The following DYNC2H1 variants were observed in gnomAD, a reference collection of about 807,000 sequenced individuals.
DYNC2H1 encodes dynein cytoplasmic 2 heavy chain 1, also known as cytoplasmic dynein 2 heavy chain 1.
Under a neutral mutation model 570.0 loss-of-function variants are expected in DYNC2H1, and 410 were observed. That is an observed-to-expected ratio of 0.72 (90% CI 0.66 to 0.78). The LOEUF is 0.78. Ranked by LOEUF, DYNC2H1 falls within the 30% of genes least tolerant of loss-of-function variation. DYNC2H1 has a pLI of 0.00. For synonymous variants in DYNC2H1, 1,688 were observed against 1,677.6 expected, an observed-to-expected ratio of 1.01 and a Z score of -0.15; for missense variants, 4,865 against 5,046.4, an observed-to-expected ratio of 0.96 and a Z score of 1.09.
In DYNC2H1 at chr11:103,243,612, A is replaced by T. The variant is rs562923837; in HGVS notation, c.9820-81A>T. ...GAAAAGATCATTTAGTAATTGATTTATAATTTCTAGAAAACTATTTCCATT... is the reference window on the plus strand; with the variant it reads ...GAAAAGATCATTTAGTAATTGATTTTTAATTTCTAGAAAACTATTTCCATT... On this transcript the variant is annotated intron_variant, in intron 63 of 88. Transcript: ENST00000375735. The surrounding 1 kb of genome is among the most constrained non-coding windows in gnomAD (Gnocchi z 4.8). 106 of 1,076,490 alleles carry T rather than the reference A, an allele frequency of 9.8e-5. No homozygotes were observed. The African/African-American group carries it at 1.5e-3, about 15-fold the overall frequency. The allele number at this position is 1,076,490 out of a possible 1,614,324, so 66.7% of individuals were successfully genotyped here.
At chr11:103,477,920 A>ACT (rs1945613205) in intron 88 of DYNC2H1, among the ~76,000 whole-genome samples, 2 of 151,910 alleles carry the variant, frequency 1.3e-5, no homozygotes, top group Non-Finnish European at 2.9e-5. Flanking sequence ...AGAAACTAGG[A>ACT]ATCATCAGAT....
At chr11:103,150,619 C>G (rs1339325228) in intron 20 of DYNC2H1, among the ~76,000 whole-genome samples, 1 of 152,104 alleles carries the variant, frequency 6.6e-6, no homozygotes, top group Non-Finnish European at 1.5e-5. Flanking sequence ...GTAAGGACTA[C>G]AAATACAAAT....
At position 103,277,950 on chromosome 11, in the gene DYNC2H1, G is replaced by A. The variant is rs193040465; in HGVS notation, c.10696-2398G>A. ...TAATTCTTTAAGGGCCCAAGTTTTA[G>A]AAAGAAAGAAATCTCATTGTTAATA... is the stretch of plus-strand genomic sequence containing the variant. On this transcript the variant is annotated intron_variant, in intron 70 of 88. Transcript: ENST00000375735. This position sits in a 1 kb window ranked among gnomAD's most constrained non-coding sequence, Gnocchi z 4.3. Among the ~76,000 whole-genome samples the A allele has an allele frequency of 1.5e-4, 23 of 152,244 alleles. No individual in the cohort carries two copies. The highest frequency in any genetic ancestry group is 5.1e-4 in the African/African-American group (21 of 41,554).
In DYNC2H1 at chr11:103,389,318, G is replaced by A. The variant is rs544455713; in HGVS notation, c.12157-10345G>A. 8.8e-4 allele frequency among the ~76,000 whole-genome samples: 134 copies of A among 152,272 alleles called. 1 individual carries two copies. The highest frequency in any genetic ancestry group is 3.1e-3 in the African/African-American group (129 of 41,562). On this transcript the variant is annotated intron_variant, in intron 83 of 88. Coordinates refer to ENST00000375735, the MANE Select transcript of DYNC2H1 (RefSeq NM_001377.3). ...GTGTTTATAGTATTCTCTGATGGTA[G>A]TTTGTATTTCTGTGGGATCGGTGGT...
At chr11:103,230,115 C>A (rs1863949581) in intron 59 of DYNC2H1, among the ~76,000 whole-genome samples, 1 of 152,148 alleles carries the variant, frequency 6.6e-6, no homozygotes, top group Admixed American at 6.5e-5. Flanking sequence ...AGTTTGAGAA[C>A]CCCTGCTGTA....
intron 30 of DYNC2H1, among the ~76,000 whole-genome samples, 158 bp from the exon 31 acceptor site, chr11:103,165,740 T>C (rs1225515116): frequency 2.0e-5 from 3 of 152,196 alleles, no homozygotes; most frequent in Non-Finnish European, 4.4e-5. Flanking sequence ...TTTCTACTAC[T>C]ATATTACTCT....
rs552661552 is a variant in DYNC2H1 at position 103,336,153 on chromosome 11, A to G, written c.12039+12163A>G. On this transcript the variant is annotated intron_variant, in intron 82 of 88. Transcript: ENST00000375735. ...GCAAAGTATTCTTCTCTTGTTTTGTATTTTTTATGGCTACATAGTAGTTGT... is the reference window on the plus strand; with the variant it reads ...GCAAAGTATTCTTCTCTTGTTTTGTGTTTTTTATGGCTACATAGTAGTTGT... Among the ~76,000 whole-genome samples the G allele has an allele frequency of 5.3e-5, 8 of 152,204 alleles. No homozygotes were observed. The East Asian group carries it at 1.4e-3, about 26-fold the overall frequency.
chr11:103,436,775 G>A (rs1306163973), intron 85 of DYNC2H1, among the ~76,000 whole-genome samples: 2 of 152,008 alleles, frequency 1.3e-5, no homozygotes, highest in Non-Finnish European at 2.9e-5. Flanking sequence ...TCTCAATTTT[G>A]TATTCTCTAG....
At chr11:103,330,652 C>T (rs1425180492) in intron 82 of DYNC2H1, among the ~76,000 whole-genome samples, 1 of 151,246 alleles carries the variant, frequency 6.6e-6, no homozygotes, top group African/African-American at 2.4e-5. Flanking sequence ...TTTTGTCTCC[C>T]CAAATAAATA....
In DYNC2H1 at chr11:103,120,944, A is replaced by G. The variant is rs1377957124; in HGVS notation, c.1268A>G (p.Lys423Arg). ...SPQQLLQAFL[K>R]YKELVKRPTI... ...TATTAGCTTCTTCAAGCATTCCTGAAATATAAAGAGTTGGTAAAGCGTCCA... is the reference window on the plus strand; with the variant it reads ...TATTAGCTTCTTCAAGCATTCCTGAGATATAAAGAGTTGGTAAAGCGTCCA... Residue 423 changes from lysine (K) to arginine (R), a missense_variant, in exon 9 of 89, where the codon AAA becomes AGA. By Grantham distance (26) the Lys-to-Arg change is conservative. Around this residue, in one of 5 missense-constraint regions of DYNC2H1, gnomAD observed 1,936 missense variants for 1,962.1 expected, o/e 0.99. Transcript: ENST00000375735. 1.3e-6 allele frequency: 2 copies of G among 1,534,398 alleles called. No homozygotes were observed. Among genetic ancestry groups the G allele is most frequent in the Non-Finnish European group, 8.7e-7 (1 of 1,143,856 alleles).
intron 80 of DYNC2H1, 121 bp from the exon 81 acceptor site, chr11:103,320,908 T>C (rs1938151693): frequency 2.5e-6 from 2 of 786,988 alleles, no homozygotes; most frequent in Non-Finnish European, 3.9e-6. Context: ...TTAATAGTCA[T>C]TTGAATAAAT....
intron 80 of DYNC2H1, among the ~76,000 whole-genome samples, chr11:103,320,259 C>T (rs1190480470): frequency 6.6e-6 from 1 of 151,858 alleles, no homozygotes; most frequent in African/African-American, 2.4e-5. Flanking sequence ...CAAAAATTAG[C>T]GGCGTGGTGG....
At position 103,211,788 on chromosome 11, in the gene DYNC2H1, G is replaced by T; in HGVS notation, c.8540-1G>T. 2.4e-6 allele frequency: 3 copies of T among 1,244,844 alleles called. No individual in the cohort carries two copies. Among genetic ancestry groups the T allele is most frequent in the Non-Finnish European group, 3.2e-6 (3 of 928,736 alleles). The allele number at this position is 1,244,844 out of a possible 1,614,324, so 77.1% of individuals were successfully genotyped here. A position where few individuals can be genotyped will look rare whatever the true frequency, so the allele number is the denominator to read the frequency against. On this transcript the variant is annotated splice_acceptor_variant, in intron 53 of 88. Transcript: ENST00000375735. LOFTEE classifies it high-confidence loss of function. ...TATTTTTATTTTCTATTTTTTTCTA[G>T]TTGATCCTGATTTTCTAAAATCATT...
rs546287428 is a variant in DYNC2H1 at position 103,436,984 on chromosome 11, T to A, written c.12456+952T>A. ...TGTCCATATGCAGGCTGCTGAGCGC[T>A]GCTACCGAAACTTCAGATACAGTGT... is the stretch of plus-strand genomic sequence containing the variant. On this transcript the variant is annotated intron_variant, in intron 85 of 88. Transcript: ENST00000375735. Among the ~76,000 whole-genome samples, 7 of 152,244 alleles carry A rather than the reference T, an allele frequency of 4.6e-5. No homozygotes were observed. In the South Asian group the frequency reaches 1.5e-3, roughly 32 times the overall value.
chr11:103,240,343 G>A (rs912555620), intron 63 of DYNC2H1, among the ~76,000 whole-genome samples: 5 of 152,014 alleles, frequency 3.3e-5, no homozygotes, highest in African/African-American at 9.7e-5. Context: ...AAAAGGATTC[G>A]GATTGGTTAG....
intron 56 of DYNC2H1, 72 bp from the exon 57 acceptor site, chr11:103,220,551 A>G (rs1863546540): frequency 2.1e-6 from 3 of 1,417,248 alleles, no homozygotes; most frequent in Non-Finnish European, 1.9e-6. Context: ...ACAATAAAAC[A>G]TAATTTTTCA....
At chr11:103,411,465 G>A (rs1454672702) in intron 84 of DYNC2H1, among the ~76,000 whole-genome samples, 4 of 150,944 alleles carry the variant, frequency 2.6e-5, no homozygotes, top group Non-Finnish European at 5.9e-5. Flanking sequence ...ATTAAAATAT[G>A]ATTTCTGGGC....
At chr11:103,266,619 G>T (rs1390240578) in intron 70 of DYNC2H1, among the ~76,000 whole-genome samples, 1 of 152,198 alleles carries the variant, frequency 6.6e-6, no homozygotes, top group East Asian at 1.9e-4. Flanking sequence ...GAAAGCAAAA[G>T]CTGGCTATGC....
intron 84 of DYNC2H1, among the ~76,000 whole-genome samples, chr11:103,430,131 A>AT (rs1943835596): frequency 6.6e-6 from 1 of 152,176 alleles, no homozygotes; most frequent in African/African-American, 2.4e-5. Context: ...TAATTCCATC[A>AT]TTAAATAGAG....
Sources: gnomAD v4.1 joint callset for allele counts (sites outside exome capture counted in the v4.1 genomes callset) on GRCh38, gnomAD v4.1.1 for gene constraint, gnomAD v4.1.1 regional missense constraint, Gnocchi (gnomAD v3.1) non-coding constraint, MANE v1.5 for transcripts, NCBI Gene and HGNC (gene_info 2026-07-23, HGNC 2026-07-21) for gene names.